KDM8: variants seen among roughly 807,000 people sequenced by gnomAD.
KDM8 encodes bifunctional peptidase and arginyl-hydroxylase JMJD5.
A neutral mutation model predicts 46.9 loss-of-function variants in KDM8; 35 were observed. That is an observed-to-expected ratio of 0.75 (90% CI 0.57 to 0.99). The LOEUF (loss-of-function observed/expected upper bound fraction) is 0.99, where lower values mean the gene tolerates loss of function less well. KDM8 is among the 50% of genes least tolerant of loss of function. KDM8 has a pLI of 0.00. For synonymous variants in KDM8, 232 were observed against 227.7 expected (o/e 1.02, Z -0.17); for missense variants, 475 against 537.0 (o/e 0.88, Z 1.14).
chr16:27,219,388 C>T (rs1019035916), intron 6 of KDM8, among the ~76,000 whole-genome samples: 26 of 152,284 alleles, frequency 1.7e-4, no homozygotes, highest in Middle Eastern at 3.4e-3. Context: ...TGTGGGTGCC[C>T]GGTGCCTCTG....
In KDM8 at chr16:27,206,429, C is replaced by T. The variant is rs146156599; in HGVS notation, c.-32+2793C>T. Among the ~76,000 whole-genome samples, 46 of 152,236 alleles carry T rather than the reference C, an allele frequency of 3.0e-4. No individual in the cohort carries two copies. The East Asian group carries it at 7.5e-3, about 25-fold the overall frequency. ...CTGGGATTATAGGCGTGGACCACCA[C>T]GCTGGCTAATTTTTGTATTTTTATT... On this transcript the variant is annotated intron_variant, in intron 1 of 7. Transcript: ENST00000286096.
At chr16:27,204,336 A>G (rs2083407411) in intron 1 of KDM8, 1 of 1,362,078 alleles carries the variant, frequency 7.3e-7, no homozygotes, top group South Asian at 1.7e-5. Flanking sequence ...GGAGGTGCGC[A>G]GGCGTTGGGG....
chr16:27,220,387 C>A lies in KDM8; in HGVS notation c.994-6C>A, dbSNP rs141940572. On this transcript the variant is annotated splice_region_variant and splice_polypyrimidine_tract_variant and intron_variant, in intron 6 of 7. Coordinates refer to ENST00000286096, the MANE Select transcript of KDM8 (RefSeq NM_024773.3). ...ACCAGCTGACTGTCAGGGTCTCTCTCCCCAGGTGATGGGGAGGAAGTACAT... is the reference window on the plus strand; with the variant it reads ...ACCAGCTGACTGTCAGGGTCTCTCTACCCAGGTGATGGGGAGGAAGTACAT... 5.6e-6 allele frequency: 9 copies of A among 1,613,164 alleles called. No individual in the cohort carries two copies. The highest frequency in any genetic ancestry group is 6.8e-6 in the Non-Finnish European group (8 of 1,179,380).
At chr16:27,209,507 G>A (rs146022166) in intron 1 of KDM8, among the ~76,000 whole-genome samples, 27 of 152,354 alleles carry the variant, frequency 1.8e-4, no homozygotes, top group South Asian at 1.4e-3. Flanking sequence ...GATTACAGGC[G>A]TGAGCCACCA....
rs1184967667 is a variant in KDM8, at chr16:27,221,609, G to T, written c.*879G>T. The T allele has an allele frequency of 6.6e-6, 1 of 152,242 alleles. No individual in the cohort carries two copies. Among genetic ancestry groups the T allele is most frequent in the Non-Finnish European group, 1.5e-5 (1 of 68,072 alleles). The allele number at this position is 152,242 out of a possible 1,614,324, so 9.4% of individuals were successfully genotyped here. On this transcript the variant is annotated 3_prime_UTR_variant, in exon 8 of 8. Coordinates refer to ENST00000286096, the MANE Select transcript of KDM8 (RefSeq NM_024773.3). ...CCCAGAAGTAATGACTCTCAAACCT[G>T]GGGGATTTGAGGCCAGGGGGAGAGC...
chr16:27,213,552 G>C (rs1567264103), intron 2 of KDM8, 33 bp from the exon 3 acceptor site: 2 of 1,607,636 alleles, frequency 1.2e-6, no homozygotes, highest in Non-Finnish European at 1.7e-6. Context: ...TCCTGAGGTG[G>C]TTGCTATTTT....
At chr16:27,220,372 T>G (rs1274119811) in intron 6 of KDM8, 21 bp from the exon 7 acceptor site, 1 of 1,607,678 alleles carries the variant, frequency 6.2e-7, no homozygotes, top group Non-Finnish European at 8.5e-7. Context: ...ACCAGCTGAC[T>G]GTCAGGGTCT....
chr16:27,208,368 G>T (rs2083447015), intron 1 of KDM8, among the ~76,000 whole-genome samples: 2 of 152,184 alleles, frequency 1.3e-5, no homozygotes, highest in African/African-American at 4.8e-5. Context: ...TAGGCGCCCT[G>T]TGAGGGGCCG....
chr16:27,204,041 G>A (rs889960563), intron 1 of KDM8: 7 of 1,492,358 alleles, frequency 4.7e-6, no homozygotes, highest in Non-Finnish European at 6.4e-6. Flanking sequence ...ACCAGCCGCT[G>A]CCCCTGGGCC....
intron 2 of KDM8, 169 bp from the exon 3 acceptor site, chr16:27,213,416 A>G: frequency 1.6e-6 from 1 of 628,692 alleles, no homozygotes; most frequent in Non-Finnish European, 2.7e-6. Flanking sequence ...TGATCTCATG[A>G]GGAGCAAATA....
chr16:27,217,548 T>C (rs1285588841), intron 5 of KDM8, among the ~76,000 whole-genome samples: 1 of 152,238 alleles, frequency 6.6e-6, no homozygotes, highest in Admixed American at 6.5e-5. Flanking sequence ...TGCGAACTTG[T>C]ACTTCAGTCC....
intron 1 of KDM8, chr16:27,204,308 G>A: frequency 7.3e-7 from 1 of 1,379,194 alleles, no homozygotes; most frequent in African/African-American, 1.5e-5. Flanking sequence ...GGAGGACTCG[G>A]GAGCAAGCCC....
intron 1 of KDM8, chr16:27,204,147 G>C (rs2083405223): frequency 6.5e-7 from 1 of 1,527,062 alleles, no homozygotes; most frequent in South Asian, 1.2e-5. Flanking sequence ...AAGGGGGTCT[G>C]AGGCCTCGGG....
intron 5 of KDM8, 64 bp downstream of exon 5, chr16:27,216,053 G>T (rs531024973): frequency 8.7e-5 from 135 of 1,547,718 alleles, no homozygotes; most frequent in Non-Finnish European, 1.2e-4. Flanking sequence ...TCCCCTCCTG[G>T]GCTCAGTGCG....
Position 27,219,041 on chromosome 16 carries a change from TG to T in KDM8, c.925del (p.Ala309ProfsTer21), listed in dbSNP as rs1567266800. The T allele has an allele frequency of 6.2e-7, 1 of 1,613,968 alleles. No homozygotes were observed. Among genetic ancestry groups the T allele is most frequent in the East Asian group, 2.2e-5 (1 of 44,866 alleles). ...DGEEEEITIN[A>X]WFGPQGTISP... Reference sequence around the variant, plus strand: ...GGGAGGAGGAGGAAATCACCATCAATGCCTGGTTTGGTCCCCAGGGAACCAT... The same window carrying T: ...GGGAGGAGGAGGAAATCACCATCAATCCTGGTTTGGTCCCCAGGGAACCAT... On this transcript the variant is annotated frameshift_variant, in exon 6 of 8. Coordinates refer to ENST00000286096, the MANE Select transcript of KDM8 (RefSeq NM_024773.3). LOFTEE classifies it high-confidence loss of function.
intron 1 of KDM8, among the ~76,000 whole-genome samples, chr16:27,205,838 AAAAAAT>A (rs1259532061): frequency 6.6e-6 from 1 of 152,202 alleles, no homozygotes; most frequent in Non-Finnish European, 1.5e-5. Context: ...TCTGTCTCAA[AAAAAAT>A]AAAAATAAAA....
At chr16:27,211,323 C>T in intron 2 of KDM8, 1 of 405,240 alleles carries the variant, frequency 2.5e-6, no homozygotes, top group South Asian at 1.8e-5. Flanking sequence ...TCCTGTCTCT[C>T]TGCTCCTGGG....
intron 6 of KDM8, 84 bp downstream of exon 6, chr16:27,219,194 C>A: frequency 1.5e-6 from 2 of 1,368,866 alleles, no homozygotes; most frequent in South Asian, 1.5e-5. Flanking sequence ...CTTTAAACAC[C>A]GGGCTCTTAA....
Position 27,214,872 on chromosome 16 carries a change from C to T in KDM8, c.666-4C>T. ...GACGATGCCAATGTGTGTCTTTCTG[C>T]TAGTTTGGAGTATATCCAGGAGATC... On this transcript the variant is annotated splice_region_variant and splice_polypyrimidine_tract_variant and intron_variant, in intron 3 of 7. Coordinates refer to ENST00000286096, the MANE Select transcript of KDM8 (RefSeq NM_024773.3). 1.2e-6 allele frequency: 2 copies of T among 1,614,072 alleles called. No individual in the cohort carries two copies. Among genetic ancestry groups the T allele is most frequent in the Non-Finnish European group, 1.7e-6 (2 of 1,179,948 alleles).
Sources: allele counts gnomAD v4.1 joint callset (sites outside exome capture counted in the v4.1 genomes callset), GRCh38; gene constraint gnomAD v4.1.1; transcripts MANE v1.5; gene names NCBI Gene and HGNC (gene_info 2026-07-23, HGNC 2026-07-21).